CCT3: variants seen among roughly 807,000 people sequenced by gnomAD.
CCT3 encodes chaperonin containing TCP1 subunit 3, also known as T-complex protein 1 subunit gamma.
In CCT3, 10 loss-of-function variants were observed where a neutral mutation model predicts 65.3. That is an observed-to-expected ratio of 0.15 (90% CI 0.09 to 0.26). The LOEUF is 0.26. CCT3 is among the 10% of genes least tolerant of loss of function. The pLI is 1.00. For missense variants in CCT3, 626 were observed against 708.7 expected, an observed-to-expected ratio of 0.88 and a Z score of 1.33; for synonymous variants, 225 against 242.3, an observed-to-expected ratio of 0.93 and a Z score of 0.66.
chr1:156,335,583 TA>T (rs1665301933), intron 2 of CCT3: 1 of 453,622 alleles, frequency 2.2e-6, no homozygotes, highest in East Asian at 3.3e-5. Flanking sequence ...TAGAATACTA[TA>T]AAACAATACA....
At chr1:156,320,363 G>A (rs752093486) in intron 7 of CCT3, among the ~76,000 whole-genome samples, 11 of 152,116 alleles carry the variant, frequency 7.2e-5, no homozygotes, top group Non-Finnish European at 1.6e-4. Context: ...AGCCGAGATC[G>A]CACCACTGCA....
At chr1:156,311,371 C>T (rs1470690325) in intron 11 of CCT3, among the ~76,000 whole-genome samples, 176 bp from the exon 12 acceptor site, 1 of 152,168 alleles carries the variant, frequency 6.6e-6, no homozygotes, top group Admixed American at 6.5e-5. Context: ...ATATAACACA[C>T]GACTATAATA....
At chr1:156,320,394 A>G (rs1325375829) in intron 7 of CCT3, among the ~76,000 whole-genome samples, 1 of 152,140 alleles carries the variant, frequency 6.6e-6, no homozygotes, top group African/African-American at 2.4e-5. Flanking sequence ...TGCGCGACAG[A>G]GCAAGACTCC....
chr1:156,309,237 T>C lies in CCT3; in HGVS notation c.1600A>G (p.Ser534Gly). The change falls in exon 14 of 14, where the codon AGC becomes GGC. Residue 534 changes from serine to glycine, a missense_variant. Ser to Gly is a moderately conservative substitution (Grantham distance 56). Coordinates refer to ENST00000295688, the MANE Select transcript of CCT3 (RefSeq NM_005998.5). Reference sequence around the variant, plus strand: ...GCATCAGGAGCCCCGCCTTGCCGGCTCTGGTCATCGCCTTTCTTTTTGTGG... The same window carrying C: ...GCATCAGGAGCCCCGCCTTGCCGGCCCTGGTCATCGCCTTTCTTTTTGTGG... ...SGHKKKGDDQ[S>G]RQGGAPDAGQ... 6.2e-7 allele frequency: 1 copy of C among 1,614,074 alleles called. No individual in the cohort carries two copies. Among genetic ancestry groups the C allele is most frequent in the Non-Finnish European group, 8.5e-7 (1 of 1,179,934 alleles).
In CCT3 at chr1:156,338,247, G is replaced by A. The variant is rs1007228973; in HGVS notation, c.-63C>T. 5 of 1,533,480 alleles carry A rather than the reference G, an allele frequency of 3.3e-6. No homozygotes were observed. Among genetic ancestry groups the A allele is most frequent in the Non-Finnish European group, 4.4e-6 (5 of 1,127,824 alleles). The allele number at this position is 1,533,480 out of a possible 1,614,324, so 95.0% of individuals were successfully genotyped here. A position where few individuals can be genotyped will look rare whatever the true frequency, so the allele number is the denominator to read the frequency against. The stretch of plus-strand genomic sequence containing the variant: ...GAACCGGCAGAACCTTCTGGAGAGA[G>A]AGAACCAGACAGAAGCCCAGAAAAC... On this transcript the variant is annotated 5_prime_UTR_variant, in exon 1 of 14. Coordinates refer to ENST00000295688, the MANE Select transcript of CCT3 (RefSeq NM_005998.5).
At chr1:156,319,670 G>C (rs1034556869) in intron 7 of CCT3, among the ~76,000 whole-genome samples, 1 of 152,016 alleles carries the variant, frequency 6.6e-6, no homozygotes, top group Non-Finnish European at 1.5e-5. Flanking sequence ...CCGGGAGTTC[G>C]AGACCAGCCT....
At chr1:156,337,017 G>A in intron 1 of CCT3, 1 of 1,184,184 alleles carries the variant, frequency 8.4e-7, no homozygotes, top group Non-Finnish European at 1.1e-6. Context: ...GTAAGGGAGG[G>A]GAGATGGCTA....
chr1:156,313,758 G>A (rs1180728330), intron 10 of CCT3, among the ~76,000 whole-genome samples: 2 of 152,192 alleles, frequency 1.3e-5, no homozygotes, highest in African/African-American at 4.8e-5. Flanking sequence ...CACAGTCAGA[G>A]AAGGACCTGT....
chr1:156,326,662 A>G (rs1558270556), intron 5 of CCT3, among the ~76,000 whole-genome samples: 1 of 116,062 alleles, frequency 8.6e-6, no homozygotes, highest in South Asian at 3.0e-4. Flanking sequence ...AAAAAAAAAA[A>G]AAAAGAAAAA....
At chr1:156,312,310 G>A (rs913428944) in intron 10 of CCT3, 89 bp from the exon 11 acceptor site, 1 of 1,213,202 alleles carries the variant, frequency 8.2e-7, no homozygotes, top group African/African-American at 1.5e-5. Flanking sequence ...CTAGGGATAA[G>A]GGCAAAAGTG....
intron 10 of CCT3, among the ~76,000 whole-genome samples, chr1:156,312,859 A>T (rs763220694): frequency 3.3e-5 from 5 of 152,204 alleles, no homozygotes; most frequent in Non-Finnish European, 5.9e-5. Context: ...ATGATTTGAA[A>T]AAATGTGAAA....
At position 156,317,489 on chromosome 1, in the gene CCT3, T is replaced by G; in HGVS notation, c.818A>C (p.Glu273Ala). 6.2e-7 allele frequency: 1 copy of G among 1,613,886 alleles called. No individual in the cohort carries two copies. Among genetic ancestry groups the G allele is most frequent in the Admixed American group, 1.7e-5 (1 of 60,010 alleles). ...GTCCTCACAGAGCTGCTGGATGTAC[T>G]CTTCCTCCATCTGGAGAATTCGGGT... is the stretch of plus-strand genomic sequence containing the variant. ...DFTRILQMEE[E>A]YIQQLCEDII... Residue 273 changes from glutamate (E) to alanine (A), a missense_variant, in exon 9 of 14, where the codon GAG (glutamate) becomes GCG (alanine). By Grantham distance (107) the Glu-to-Ala change is moderately radical (BLOSUM62 -1). Coordinates refer to ENST00000295688, the MANE Select transcript of CCT3 (RefSeq NM_005998.5).
intron 1 of CCT3, among the ~76,000 whole-genome samples, chr1:156,336,792 G>A (rs891747838): frequency 6.6e-6 from 1 of 151,862 alleles, no homozygotes; most frequent in African/African-American, 2.4e-5. Context: ...TTTCAATCCA[G>A]TCCCATCAAA....
Position 156,317,394 on chromosome 1 carries a change from GA to G in CCT3, c.892+20del. 6.2e-7 allele frequency: 1 copy of G among 1,603,498 alleles called. No homozygotes were observed. The highest frequency in any genetic ancestry group is 8.5e-7 in the Non-Finnish European group (1 of 1,171,790). On this transcript the variant is annotated intron_variant, in intron 9 of 13. Transcript: ENST00000295688. ...CCTCGTCTACCTCAAAGGTAGGCTG[GA>G]AAAAGTAACAAAGTCCCACCTGAGA...
chr1:156,336,315 T>C (rs1006314280), intron 1 of CCT3, among the ~76,000 whole-genome samples: 2 of 91,010 alleles, frequency 2.2e-5, no homozygotes, highest in Non-Finnish European at 5.9e-5. Flanking sequence ...TCCACAACTA[T>C]TATCAGATTC....
rs138492431 is a variant in CCT3 at position 156,328,865 on chromosome 1, TAA to T, written c.305-3778_305-3777del. ...CAAGAATGATCAATAAAAATAAAAA[TAA>T]AAAAAAAAAATGTACATGTTATTCA... On this transcript the variant is annotated intron_variant, in intron 5 of 13. Coordinates refer to ENST00000295688, the MANE Select transcript of CCT3 (RefSeq NM_005998.5). Among the ~76,000 whole-genome samples the T allele has an allele frequency of 8.0e-3, 1,175 of 146,002 alleles. 21 individuals are homozygous for T. The highest frequency in any genetic ancestry group is 0.028 in the African/African-American group (1,082 of 38,998).
chr1:156,311,946 A>G, intron 11 of CCT3, 95 bp downstream of exon 11: 1 of 998,620 alleles, frequency 1.0e-6, no homozygotes, highest in Non-Finnish European at 1.4e-6. Flanking sequence ...TTAAATAGCT[A>G]TAAATGGACC....
At chr1:156,314,344 T>C (rs934171897) in intron 10 of CCT3, among the ~76,000 whole-genome samples, 3 of 152,268 alleles carry the variant, frequency 2.0e-5, no homozygotes, top group South Asian at 2.1e-4. Context: ...AAAACTGGCA[T>C]AGCGGTGGTG....
rs559648443 is a variant in CCT3, at chr1:156,318,442, C to T, written c.759+426G>A. Among the ~76,000 whole-genome samples the T allele has an allele frequency of 7.2e-5, 11 of 152,176 alleles. No homozygotes were observed. In the East Asian group the frequency reaches 1.9e-3, roughly 27 times the overall value. On this transcript the variant is annotated intron_variant, in intron 8 of 13. Transcript: ENST00000295688. ...ACATGTTGCCTAGGCTGGTCTTGAA[C>T]TCCTGGGCTCGAGCCATCCACCTGC...
Sources: gnomAD v4.1 joint callset for allele counts (sites outside exome capture counted in the v4.1 genomes callset) on GRCh38, gnomAD v4.1.1 for gene constraint, MANE v1.5 for transcripts, NCBI Gene and HGNC (gene_info 2026-07-23, HGNC 2026-07-21) for gene names.